The following SPATA13 variants were observed in gnomAD, a reference collection of about 807,000 sequenced individuals.
SPATA13 encodes the protein spermatogenesis associated 13.
In SPATA13, 50 loss-of-function variants were observed where a neutral mutation model predicts 104.0. The ratio of observed to expected loss-of-function variants is 0.48; its 90% CI spans 0.38 to 0.61. The LOEUF is 0.61. Among genes scored for constraint, SPATA13 ranks in the 20% least tolerant of loss-of-function variants. The pLI, the probability that SPATA13 is intolerant of heterozygous loss-of-function variation, is 0.00. For synonymous variants in SPATA13, 606 were observed against 667.5 expected, an observed-to-expected ratio of 0.91 and a Z score of 1.42; for missense variants, 1,524 against 1,690.6, an observed-to-expected ratio of 0.90 and a Z score of 1.73.
At chr13:24,083,152 TG>T (rs1312268925) in intron 3 of SPATA13, among the ~76,000 whole-genome samples, 1 of 152,248 alleles carries the variant, frequency 6.6e-6, no homozygotes, top group Non-Finnish European at 1.5e-5. Flanking sequence ...GCTCACCAGC[TG>T]ATCAGAACAG....
chr13:24,250,124 G>A (rs112977230), intron 3 of SPATA13, among the ~76,000 whole-genome samples: 197 of 152,214 alleles, frequency 1.3e-3, no homozygotes, highest in African/African-American at 4.5e-3. Flanking sequence ...TTCTAACCAG[G>A]GAAAGGTAGC....
At position 24,018,541 on chromosome 13, in the gene SPATA13, T is replaced by G. The variant is rs142477684; in HGVS notation, c.-112+840T>G. On this transcript the variant is annotated intron_variant, in intron 3 of 14. Transcript: ENST00000424834. ...CAATACAAAATTTAGATAATTTAATTTGAGATTATGTTTAGGTCTCAGAAA... is the reference window on the plus strand; with the variant it reads ...CAATACAAAATTTAGATAATTTAATGTGAGATTATGTTTAGGTCTCAGAAA... Among the ~76,000 whole-genome samples, 48 of 152,334 alleles carry G rather than the reference T, an allele frequency of 3.2e-4. No individual in the cohort carries two copies. In the East Asian group the frequency reaches 7.9e-3, roughly 25 times the overall value.
In SPATA13 at chr13:24,297,293, C is replaced by T. The variant is rs1481287929; in HGVS notation, c.3211-70C>T. ...GGCCTCAACGATCCTCCCACCTTGGCTTCTTAAGTAGCTAGGACTACAGCT... is the reference window on the plus strand; with the variant it reads ...GGCCTCAACGATCCTCCCACCTTGGTTTCTTAAGTAGCTAGGACTACAGCT... On this transcript the variant is annotated intron_variant, in intron 10 of 12. Transcript: ENST00000382108. 5.3e-6 allele frequency: 8 copies of T among 1,522,092 alleles called. No homozygotes were observed. The Admixed American group carries it at 1.2e-4, about 22-fold the overall frequency. 94.3% of individuals were successfully genotyped at this position (1,522,092 alleles called of 1,614,324 possible).
intron 1 of SPATA13, 22 bp downstream of exon 1, chr13:24,160,954 G>A (rs956597669): frequency 7.4e-5 from 73 of 985,334 alleles, no homozygotes; most frequent in Non-Finnish European, 8.3e-5. Context: ...TCGGGCGCGC[G>A]GCTCTGCCGG....
In SPATA13 at chr13:24,147,387, C is replaced by G. The variant is rs948236956; in HGVS notation, c.-111-75432C>G. On this transcript the variant is annotated intron_variant, in intron 3 of 14. Coordinates refer to the SPATA13 transcript ENST00000424834. ...GTAAATAGGGGCAGAGTGTCACCAT[C>G]ATGTGAAAGTTGTGCTGATTCATAG... Among the ~76,000 whole-genome samples the G allele has an allele frequency of 3.3e-5, 5 of 152,038 alleles. No homozygotes were observed. The East Asian group carries it at 9.6e-4, about 29-fold the overall frequency.
At chr13:24,092,557 T>C (rs1254155431) in intron 3 of SPATA13, among the ~76,000 whole-genome samples, 1 of 152,174 alleles carries the variant, frequency 6.6e-6, no homozygotes, top group African/African-American at 2.4e-5. Flanking sequence ...AGAAAAACAG[T>C]TGAAACCTAA....
At chr13:24,285,148 G>A (rs1875837069) in intron 5 of SPATA13, among the ~76,000 whole-genome samples, 3 of 152,154 alleles carry the variant, frequency 2.0e-5, no homozygotes, top group Non-Finnish European at 2.9e-5. Context: ...CTAAGGAGAT[G>A]GGCAAAATCA....
chr13:24,271,027 T>A (rs370749413), intron 4 of SPATA13: 2 of 715,492 alleles, frequency 2.8e-6, no homozygotes, highest in Non-Finnish European at 5.1e-6. Context: ...TCTCACTCTC[T>A]CTCTCTCTCT....
chr13:24,160,134 A>C (rs1023875459), upstream of SPATA13, among the ~76,000 whole-genome samples: 18 of 152,334 alleles, frequency 1.2e-4, no homozygotes, highest in African/African-American at 4.3e-4. Flanking sequence ...TTTCACAGGG[A>C]GTGAACTTCT....
intron 2 of SPATA13, among the ~76,000 whole-genome samples, chr13:23,993,606 C>T (rs1274916905): frequency 6.6e-6 from 1 of 152,192 alleles, no homozygotes; most frequent in African/African-American, 2.4e-5. Context: ...GTCCATGCCC[C>T]AGCCCTTCCC....
At position 24,251,710 on chromosome 13, in the gene SPATA13, T is replaced by C; in HGVS notation, c.2020-8T>C. The C allele has an allele frequency of 6.2e-7, 1 of 1,613,368 alleles. No homozygotes were observed. The highest frequency in any genetic ancestry group is 1.1e-5 in the South Asian group (1 of 91,034). On this transcript the variant is annotated splice_polypyrimidine_tract_variant and splice_region_variant and intron_variant, in intron 3 of 12. Transcript: ENST00000382108. ...TACCTCCTCACAGATTTTGCTTTCT[T>C]TTTGCAGCCGGCTTCCAGGCCGCCC...
chr13:24,145,981 G>A (rs977088911), intron 3 of SPATA13, among the ~76,000 whole-genome samples: 1 of 152,228 alleles, frequency 6.6e-6, no homozygotes, highest in Non-Finnish European at 1.5e-5. Context: ...GGGCCAATCT[G>A]TCTGCAGCTG....
At chr13:24,034,065 AG>A (rs1224129274) in intron 3 of SPATA13, 2 of 152,194 alleles carry the variant, frequency 1.3e-5, no homozygotes. Flanking sequence ...AAGAGCCATA[AG>A]GGTGGCTTCC....
intron 2 of SPATA13, among the ~76,000 whole-genome samples, chr13:23,998,337 A>T (rs1381488005): frequency 2.4e-4 from 36 of 152,162 alleles, no homozygotes; most frequent in African/African-American, 8.4e-4. Context: ...AATGACATTG[A>T]GCTTTTTTCT....
At chr13:23,989,650 C>T (rs1024378619) in intron 2 of SPATA13, among the ~76,000 whole-genome samples, 2 of 152,194 alleles carry the variant, frequency 1.3e-5, no homozygotes, top group Non-Finnish European at 2.9e-5. Flanking sequence ...TGCTGTCTTG[C>T]TTCTCCACAT....
intron 3 of SPATA13, among the ~76,000 whole-genome samples, chr13:24,058,475 C>T (rs916377874): frequency 4.6e-5 from 7 of 151,706 alleles, no homozygotes; most frequent in Admixed American, 2.0e-4. Flanking sequence ...TTACTGTATA[C>T]GGGACAAAGG....
chr13:24,063,710 C>T (rs116175311), intron 3 of SPATA13, among the ~76,000 whole-genome samples: 1,592 of 152,286 alleles, frequency 0.01, 29 homozygotes, highest in African/African-American at 0.036. Context: ...GCAGCCTTCT[C>T]GTTGCTGATG....
intron 3 of SPATA13, among the ~76,000 whole-genome samples, chr13:24,111,938 G>A (rs9553181): frequency 0.43 from 65,169 of 152,046 alleles, 14,326 homozygotes; most frequent in African/African-American, 0.51. Flanking sequence ...TACTGCCTCT[G>A]TCCAATCAGC....
chr13:24,270,732 A>T, intron 4 of SPATA13: 1 of 1,551,058 alleles, frequency 6.4e-7, no homozygotes, highest in Admixed American at 2.0e-5. Context: ...ACGTCAAAGC[A>T]GTGAATAAGC....
Sources: allele counts gnomAD v4.1 joint callset (sites outside exome capture counted in the v4.1 genomes callset), GRCh38; gene constraint gnomAD v4.1.1; transcripts MANE v1.5; gene names NCBI Gene and HGNC (gene_info 2026-07-23, HGNC 2026-07-21).